Variants in USP37 observed in about 807,000 individuals in gnomAD.
USP37 encodes ubiquitin specific peptidase 37, also known as ubiquitin carboxyl-terminal hydrolase 37.
USP37 carries 27 observed loss-of-function variants against 124.0 expected under a neutral mutation model. The ratio of observed to expected loss-of-function variants is 0.22; its 90% CI spans 0.16 to 0.30. The LOEUF is 0.30. Among genes scored for constraint, USP37 ranks in the 10% least tolerant of loss-of-function variants. The pLI is 1.00. For synonymous variants in USP37, 365 were observed against 388.0 expected (o/e 0.94, Z 0.70); for missense variants, 889 against 1,140.4 (o/e 0.78, Z 3.17).
At chr2:218,562,107 C>T (rs896857511) in intron 2 of USP37, among the ~76,000 whole-genome samples, 1 of 152,236 alleles carries the variant, frequency 6.6e-6, no homozygotes, top group Non-Finnish European at 1.5e-5. Context: ...CATAATGCCT[C>T]AATTTAGTTC....
At chr2:218,488,823 C>T (rs553786699) in intron 14 of USP37, among the ~76,000 whole-genome samples, 394 of 151,638 alleles carry the variant, frequency 2.6e-3, no homozygotes, top group African/African-American at 8.3e-3. Context: ...TTAGTAGAGA[C>T]GGGGTTTCTC....
intron 14 of USP37, among the ~76,000 whole-genome samples, chr2:218,494,121 G>A (rs1688947596): frequency 6.6e-6 from 1 of 152,212 alleles, no homozygotes; most frequent in South Asian, 2.1e-4. Flanking sequence ...AGGGGGAAAA[G>A]TCTGATGAAG....
chr2:218,471,667 C>T (rs1690699003), intron 20 of USP37, among the ~76,000 whole-genome samples: 1 of 152,064 alleles, frequency 6.6e-6, no homozygotes, highest in Non-Finnish European at 1.5e-5. Flanking sequence ...TCCAATTGCT[C>T]AGGCCAAAAA....
At chr2:218,542,299 T>C (rs906218524) in intron 8 of USP37, among the ~76,000 whole-genome samples, 2 of 152,192 alleles carry the variant, frequency 1.3e-5, no homozygotes, top group Non-Finnish European at 2.9e-5. Context: ...AAAGTATTAG[T>C]AACCCAGAAC....
At chr2:218,531,500 A>T (rs1244098283) in intron 9 of USP37, among the ~76,000 whole-genome samples, 1 of 152,218 alleles carries the variant, frequency 6.6e-6, no homozygotes, top group East Asian at 1.9e-4. Flanking sequence ...ATACAAAGAT[A>T]ATGTTGTTTT....
chr2:218,564,068 C>G (rs1574972338), intron 1 of USP37, among the ~76,000 whole-genome samples: 1 of 152,038 alleles, frequency 6.6e-6, no homozygotes, highest in East Asian at 1.9e-4. Context: ...AAGACTCCGT[C>G]TCAAAAGAAA....
chr2:218,511,873 A>C (rs1359609961), intron 10 of USP37, among the ~76,000 whole-genome samples: 1 of 151,862 alleles, frequency 6.6e-6, no homozygotes, highest in Non-Finnish European at 1.5e-5. Flanking sequence ...TTGTACCATA[A>C]GAGCACAGAA....
At chr2:218,462,986 G>A (rs1434039879) in intron 22 of USP37, among the ~76,000 whole-genome samples, 1 of 151,994 alleles carries the variant, frequency 6.6e-6, no homozygotes, top group South Asian at 2.1e-4. Context: ...TGGCCAACAT[G>A]GTGAAACCCC....
At chr2:218,468,339 G>A (rs557311335) in intron 20 of USP37, among the ~76,000 whole-genome samples, 3 of 150,846 alleles carry the variant, frequency 2.0e-5, no homozygotes, top group Admixed American at 6.6e-5. Context: ...CAAGTAGCTG[G>A]GATTCTCCTG....
intron 11 of USP37, among the ~76,000 whole-genome samples, chr2:218,498,666 G>A (rs912041176): frequency 6.6e-6 from 1 of 152,130 alleles, no homozygotes; most frequent in Admixed American, 6.6e-5. Context: ...GGCAGAGGTT[G>A]CAGTGAGCCA....
At position 218,510,265 on chromosome 2, in the gene USP37, T is replaced by C. The variant is rs144390363; in HGVS notation, c.864-125A>G. The stretch of plus-strand genomic sequence containing the variant: ...CTTGAATTTAGGGAAATATCAGTAA[T>C]AATGATCACTTAAGGGAAAACTCTA... On this transcript the variant is annotated intron_variant, in intron 10 of 25. Coordinates refer to ENST00000258399, the MANE Select transcript of USP37 (RefSeq NM_020935.3). 9.2e-5 allele frequency: 92 copies of C among 998,110 alleles called. No individual in the cohort carries two copies. The African/African-American group carries it at 1.3e-3, about 15-fold the overall frequency. The allele number at this position is 998,110 out of a possible 1,614,324, so 61.8% of individuals were successfully genotyped here. A position where few individuals can be genotyped will look rare whatever the true frequency, so the allele number is the denominator to read the frequency against.
rs756815929 is a variant in USP37 at position 218,452,833 on chromosome 2, C to T, written c.*2097G>A. 1 of 152,066 alleles carries T rather than the reference C, an allele frequency of 6.6e-6. No homozygotes were observed. Among genetic ancestry groups the T allele is most frequent in the Non-Finnish European group, 1.5e-5 (1 of 68,012 alleles). 9.4% of individuals were successfully genotyped at this position (152,066 alleles called of 1,614,324 possible). A position where few individuals can be genotyped will look rare whatever the true frequency, so the allele number is the denominator to read the frequency against. On this transcript the variant is annotated 3_prime_UTR_variant, in exon 26 of 26. Transcript: ENST00000258399. ...ACAGTGCCTCTCAAATGCAAAGACA[C>T]GTAAAAGAATTAATAACTAGCCAAA... is the stretch of plus-strand genomic sequence containing the variant.
chr2:218,557,754 C>A (rs1455579214), intron 4 of USP37, among the ~76,000 whole-genome samples: 2 of 140,950 alleles, frequency 1.4e-5, no homozygotes, highest in African/African-American at 5.3e-5. Context: ...TGGTGAAACC[C>A]TGTCTCTACT....
intron 16 of USP37, among the ~76,000 whole-genome samples, chr2:218,483,172 C>A (rs1691356133): frequency 6.6e-6 from 1 of 152,010 alleles, no homozygotes; most frequent in African/African-American, 2.4e-5. Context: ...TGATATGAAA[C>A]CAATGTCAAA....
At chr2:218,479,750 A>C (rs1237221484) in intron 17 of USP37, 35 bp from the exon 18 acceptor site, 1 of 1,245,824 alleles carries the variant, frequency 8.0e-7, no homozygotes, top group Non-Finnish European at 1.1e-6. Context: ...AATGTATACA[A>C]ATGAATTATT....
intron 11 of USP37, among the ~76,000 whole-genome samples, chr2:218,506,980 G>C (rs1689717055): frequency 6.6e-6 from 1 of 151,638 alleles, no homozygotes; most frequent in South Asian, 2.1e-4. Flanking sequence ...TGTATTTTTA[G>C]TAGAGACAGG....
At chr2:218,469,925 A>G (rs1256473366) in intron 20 of USP37, among the ~76,000 whole-genome samples, 1 of 138,516 alleles carries the variant, frequency 7.2e-6, no homozygotes, top group Admixed American at 8.5e-5. Context: ...GGTTCTTGCC[A>G]TTCTCCTGCC....
At chr2:218,469,055 G>A (rs1449602001) in intron 20 of USP37, among the ~76,000 whole-genome samples, 1 of 152,168 alleles carries the variant, frequency 6.6e-6, no homozygotes, top group Non-Finnish European at 1.5e-5. Context: ...CCTGGCTTTA[G>A]ATTCTAAGTC....
chr2:218,486,573 C>CGG (rs1691571750), intron 15 of USP37, among the ~76,000 whole-genome samples: 1 of 152,134 alleles, frequency 6.6e-6, no homozygotes, highest in African/African-American at 2.4e-5. Context: ...CAGGCATGTG[C>CGG]CACCATACCT....
Sources: gnomAD v4.1 joint callset for allele counts (sites outside exome capture counted in the v4.1 genomes callset) on GRCh38, gnomAD v4.1.1 for gene constraint, MANE v1.5 for transcripts, NCBI Gene and HGNC (gene_info 2026-07-23, HGNC 2026-07-21) for gene names.